Variants in BID observed in about 807,000 individuals in gnomAD.
The protein encoded by BID is BH3-interacting domain death agonist.
In BID, 19 loss-of-function variants were observed where a neutral mutation model predicts 17.4. That is an observed-to-expected ratio of 1.09 (90% confidence interval 0.76 to 1.60). The LOEUF (loss-of-function observed/expected upper bound fraction) is 1.60. BID is among the 40% of genes most tolerant of loss of function. The pLI is 0.00. For missense variants in BID, 226 were observed against 256.0 expected (o/e 0.88, Z 0.80); for synonymous variants, 108 against 102.8 (o/e 1.05, Z -0.31).
At chr22:17,756,480 C>CT (rs1469926048) in intron 1 of BID, among the ~76,000 whole-genome samples, 17 of 99,532 alleles carry the variant, frequency 1.7e-4, no homozygotes, top group Non-Finnish European at 2.4e-4. Context: ...TCTTTCTTTT[C>CT]TTTCTTTCTT....
chr22:17,774,346 G>A (rs763100424), intron 1 of BID, 35 bp downstream of exon 1: 80 of 161,312 alleles, frequency 5.0e-4, no homozygotes, highest in Non-Finnish European at 4.8e-4. Flanking sequence ...GCTGGGGCTC[G>A]GCGCGTACCC....
intron 2 of BID, among the ~76,000 whole-genome samples, chr22:17,745,505 T>C (rs931252824): frequency 1.3e-5 from 2 of 151,014 alleles, no homozygotes; most frequent in African/African-American, 4.9e-5. Flanking sequence ...AAAATAAAAA[T>C]TAGCCAAGGT....
rs766369895 is a variant in BID at position 17,738,124 on chromosome 22, T to G, written c.469A>C (p.Lys157Gln). ...GACGGCGTGTGACTGGCCACCTTCT[T>G]GGCCAGCAGCAGGGCCAGCACCAGC... Reference protein sequence around the residue: ...TMLVLALLLAKKVASHTPSLL... With the variant: ...TMLVLALLLAQKVASHTPSLL... The change falls in exon 5 of 6, where the codon AAG (lysine) becomes CAG (glutamine). Residue 157 changes from lysine to glutamine, a missense_variant. Physicochemically the swap from Lys to Gln is moderately conservative, Grantham distance 53. Transcript: ENST00000622694. The G allele has an allele frequency of 3.7e-6, 6 of 1,613,990 alleles. No homozygotes were observed. The highest frequency in any genetic ancestry group is 1.7e-5 in the Admixed American group (1 of 60,006).
At chr22:17,762,192 T>C (rs1415681513) in intron 1 of BID, among the ~76,000 whole-genome samples, 1 of 152,132 alleles carries the variant, frequency 6.6e-6, no homozygotes, top group Non-Finnish European at 1.5e-5. Context: ...TAGAAATGTT[T>C]TGTTTTATAA....
At chr22:17,737,379 C>T (rs1569036601) in intron 5 of BID, among the ~76,000 whole-genome samples, 1 of 152,130 alleles carries the variant, frequency 6.6e-6, no homozygotes, top group African/African-American at 2.4e-5. Flanking sequence ...TGGAGTCTTG[C>T]TCTGTCGCCC....
At chr22:17,766,708 G>C (rs2061681558) in intron 1 of BID, among the ~76,000 whole-genome samples, 1 of 151,956 alleles carries the variant, frequency 6.6e-6, no homozygotes, top group African/African-American at 2.4e-5. Flanking sequence ...TCCTGCCTCA[G>C]CCTCCCAAGT....
At chr22:17,738,359 G>A in intron 4 of BID, 130 bp from the exon 5 acceptor site, 1 of 867,020 alleles carries the variant, frequency 1.2e-6, no homozygotes, top group Admixed American at 2.7e-5. Context: ...GAAAGAATGA[G>A]AAACAGTTGA....
At chr22:17,746,210 G>A (rs192781712) in intron 2 of BID, among the ~76,000 whole-genome samples, 45 of 151,864 alleles carry the variant, frequency 3.0e-4, no homozygotes, top group Middle Eastern at 3.4e-3. Context: ...GCAGGCACCG[G>A]GCACTTTACA....
chr22:17,742,908 G>C (rs2061470775), intron 3 of BID, among the ~76,000 whole-genome samples: 1 of 152,256 alleles, frequency 6.6e-6, no homozygotes. Context: ...TTGGCAAAGG[G>C]GAGTGGAGCT....
intron 3 of BID, chr22:17,740,286 G>A: frequency 1.0e-6 from 1 of 963,900 alleles, no homozygotes; most frequent in Non-Finnish European, 1.6e-6. Flanking sequence ...AATAAACAAT[G>A]GCAGGGACCA....
chr22:17,738,336 G>T, intron 4 of BID, 107 bp from the exon 5 acceptor site: 1 of 1,029,624 alleles, frequency 9.7e-7, no homozygotes, highest in East Asian at 2.6e-5. Flanking sequence ...TAAGTATCCA[G>T]GGCTGCTGGG....
At chr22:17,750,877 A>T (rs1312790269) in intron 1 of BID, among the ~76,000 whole-genome samples, 1 of 151,898 alleles carries the variant, frequency 6.6e-6, no homozygotes, top group Non-Finnish European at 1.5e-5. Context: ...TCTCTACAAA[A>T]ATACAAAATT....
At chr22:17,738,443 G>A (rs1809750295) in intron 4 of BID, among the ~76,000 whole-genome samples, 1 of 152,332 alleles carries the variant, frequency 6.6e-6, no homozygotes, top group South Asian at 2.1e-4. Context: ...CGCATGTGTG[G>A]TGAGCCCATG....
chr22:17,773,908 C>G lies in BID; in HGVS notation c.-59+473G>C, dbSNP rs2061739993. On this transcript the variant is annotated intron_variant, in intron 1 of 5. Transcript: ENST00000622694. The surrounding 1 kb of genome is among the most constrained non-coding windows in gnomAD (Gnocchi z 4.4). Reference sequence around the variant, plus strand: ...CGCTTTGTCAGCCCTGAGCTCCGCTCGGGAGGAGCCGGCAGGTGTCTGCGG... The same window carrying G: ...CGCTTTGTCAGCCCTGAGCTCCGCTGGGGAGGAGCCGGCAGGTGTCTGCGG... The G allele has an allele frequency of 6.8e-6, 4 of 591,216 alleles. No homozygotes were observed. The highest frequency in any genetic ancestry group is 6.0e-5 in the South Asian group (3 of 50,386). The allele number at this position is 591,216 out of a possible 1,614,324, so 36.6% of individuals were successfully genotyped here. A position where few individuals can be genotyped will look rare whatever the true frequency, so the allele number is the denominator to read the frequency against.
rs967058663 is a variant in BID, at chr22:17,739,258, C to T, written c.363+91G>A. 7.0e-6 allele frequency: 10 copies of T among 1,432,844 alleles called. No individual in the cohort carries two copies. In the Admixed American group the frequency reaches 1.5e-4, roughly 22 times the overall value. The allele number at this position is 1,432,844 out of a possible 1,614,324, so 88.8% of individuals were successfully genotyped here. On this transcript the variant is annotated intron_variant, in intron 4 of 5. Coordinates refer to ENST00000622694, the MANE Select transcript of BID (RefSeq NM_001196.4). ...ACCTGACAGTCACGAGTTGAGTGGC[C>T]TCACGGGACAGTGGGCTGCCTGGTG... is the stretch of plus-strand genomic sequence containing the variant.
Position 17,743,980 on chromosome 22 carries a change from T to A in BID, c.46A>T (p.Ile16Phe), listed in dbSNP as rs1225380451. The A allele has an allele frequency of 6.2e-7, 1 of 1,614,012 alleles. No individual in the cohort carries two copies. The highest frequency in any genetic ancestry group is 2.2e-5 in the East Asian group (1 of 44,880). ...AAGCCAAACACCAGTAGGTTTGTGA[T>A]GCACTCATCCCTGAGGCTGGAACCG... ...NNGSSLRDECITNLLVFGFLQ... is the reference protein window; with the variant it reads ...NNGSSLRDECFTNLLVFGFLQ... The change falls in exon 3 of 6, where the codon ATC becomes TTC. Residue 16 changes from isoleucine to phenylalanine, a missense_variant. Physicochemically the swap from Ile to Phe is conservative, Grantham distance 21. Coordinates refer to ENST00000622694, the MANE Select transcript of BID (RefSeq NM_001196.4).
At chr22:17,739,953 AC>A in intron 3 of BID, 1 of 968,634 alleles carries the variant, frequency 1.0e-6, no homozygotes, top group Admixed American at 2.1e-5. Context: ...TCTCAGGAAA[AC>A]CCCAGTTGTC....
chr22:17,759,596 C>G (rs2061621585), intron 1 of BID, among the ~76,000 whole-genome samples: 1 of 152,002 alleles, frequency 6.6e-6, no homozygotes, highest in Non-Finnish European at 1.5e-5. Context: ...TGGTGTGCAC[C>G]TGTAATCTCA....
chr22:17,772,111 T>C (rs565467569), intron 1 of BID, among the ~76,000 whole-genome samples: 1 of 152,310 alleles, frequency 6.6e-6, no homozygotes, highest in South Asian at 2.1e-4. Context: ...GATGCTACCC[T>C]CGTCTGACCA....
Sources: allele counts gnomAD v4.1 joint callset (sites outside exome capture counted in the v4.1 genomes callset), GRCh38; gene constraint gnomAD v4.1.1; non-coding constraint Gnocchi (gnomAD v3.1); transcripts MANE v1.5; gene names NCBI Gene and HGNC (gene_info 2026-07-23, HGNC 2026-07-21).